Variants in PLS1 observed in about 807,000 individuals in gnomAD.
PLS1 encodes the protein plastin 1.
In PLS1, 32 loss-of-function variants were observed where a neutral mutation model predicts 73.7. The ratio of observed to expected loss-of-function variants is 0.43; its 90% CI spans 0.33 to 0.58. The LOEUF is 0.58. Ranked by LOEUF, PLS1 falls within the 20% of genes least tolerant of loss-of-function variation. The probability of loss-of-function intolerance (pLI) is 0.04; values close to 1 mark genes in which losing one functional copy is unlikely to be tolerated. For missense variants in PLS1, 633 were observed against 740.5 expected (o/e 0.85, Z 1.68); for synonymous variants, 217 against 261.3 (o/e 0.83, Z 1.63).
At chr3:142,681,994 G>A (rs1013480194) in intron 6 of PLS1, among the ~76,000 whole-genome samples, 6 of 152,132 alleles carry the variant, frequency 3.9e-5, no homozygotes, top group African/African-American at 9.7e-5. Flanking sequence ...AACACAACCC[G>A]TTGATAAGAC....
chr3:142,693,318 G>T (rs1477541163), intron 10 of PLS1, among the ~76,000 whole-genome samples: 1 of 152,178 alleles, frequency 6.6e-6, no homozygotes, highest in East Asian at 1.9e-4. Context: ...TATCATGGGT[G>T]TGCAGGTTTA....
chr3:142,626,526 CT>C (rs1477418956), intron 1 of PLS1, among the ~76,000 whole-genome samples: 1 of 152,134 alleles, frequency 6.6e-6, no homozygotes, highest in Non-Finnish European at 1.5e-5. Flanking sequence ...ACTGGAAAGA[CT>C]TTATCATATC....
intron 2 of PLS1, among the ~76,000 whole-genome samples, chr3:142,666,338 A>G (rs2037479210): frequency 6.6e-6 from 1 of 152,110 alleles, no homozygotes; most frequent in Admixed American, 6.5e-5. Context: ...CCATCATCCT[A>G]CTTTCTATAT....
chr3:142,676,726 T>C (rs943176440), intron 5 of PLS1, among the ~76,000 whole-genome samples: 5 of 152,226 alleles, frequency 3.3e-5, no homozygotes, highest in Non-Finnish European at 7.3e-5. Flanking sequence ...CTCTTTGCAT[T>C]CTATTTTTTC....
chr3:142,650,375 T>A (rs1201252444), intron 1 of PLS1, among the ~76,000 whole-genome samples: 1 of 151,986 alleles, frequency 6.6e-6, no homozygotes, highest in African/African-American at 2.4e-5. Context: ...CCTACCCCCA[T>A]GCCCGGCTAA....
chr3:142,675,406 CAG>C (rs2037700029), intron 4 of PLS1, among the ~76,000 whole-genome samples: 1 of 151,864 alleles, frequency 6.6e-6, no homozygotes, highest in Non-Finnish European at 1.5e-5. Context: ...GTTTTTGAGA[CAG>C]AGCCTTGCTC....
rs532159771 is a variant in PLS1 at position 142,606,907 on chromosome 3, T to C, written c.-37+10398T>C. Among the ~76,000 whole-genome samples the C allele has an allele frequency of 5.9e-5, 9 of 152,346 alleles. 1 individual carries two copies. The East Asian group carries it at 1.7e-3, about 29-fold the overall frequency. ...TATGAATATTGTTGCTGTGAACTTA[T>C]GTGCACTGGTTTATTAGGGGCATTT... is the stretch of plus-strand genomic sequence containing the variant. On this transcript the variant is annotated intron_variant, in intron 1 of 15. Transcript: ENST00000457734.
intron 2 of PLS1, among the ~76,000 whole-genome samples, chr3:142,666,594 A>C (rs915399527): frequency 6.6e-6 from 1 of 152,206 alleles, no homozygotes; most frequent in South Asian, 2.1e-4. Flanking sequence ...ATTGTGAATA[A>C]TGCTATGAAC....
intron 12 of PLS1, 45 bp downstream of exon 12, chr3:142,698,112 T>C (rs752552637): frequency 1.7e-5 from 19 of 1,116,752 alleles, no homozygotes; most frequent in Non-Finnish European, 2.5e-5. Flanking sequence ...TGTTCTGATA[T>C]GAAACAAAGA....
At chr3:142,689,894 A>T (rs966820740) in intron 10 of PLS1, 81 bp downstream of exon 10, 4 of 902,754 alleles carry the variant, frequency 4.4e-6, no homozygotes, top group Non-Finnish European at 6.6e-6. Flanking sequence ...GAGATAGGGG[A>T]TTGTGGTGGG....
intron 1 of PLS1, among the ~76,000 whole-genome samples, chr3:142,653,671 A>G (rs2037153648): frequency 6.6e-6 from 1 of 152,044 alleles, no homozygotes; most frequent in Admixed American, 6.6e-5. Context: ...GCCCTAGCTC[A>G]GAAACTTCTA....
intron 5 of PLS1, among the ~76,000 whole-genome samples, chr3:142,677,802 A>T (rs1040458226): frequency 4.6e-5 from 7 of 152,040 alleles, no homozygotes; most frequent in Non-Finnish European, 7.4e-5. Flanking sequence ...TATTATTATT[A>T]TTTTTTGAGA....
chr3:142,600,905 TATA>T (rs1378245678), intron 1 of PLS1, among the ~76,000 whole-genome samples: 15 of 31,460 alleles, frequency 4.8e-4, no homozygotes, highest in African/African-American at 2.1e-3. Context: ...TATATATATA[TATA>T]TATATATATT....
rs550308239 is a variant in PLS1 at position 142,683,436 on chromosome 3, G to A, written c.580-570G>A. On this transcript the variant is annotated intron_variant, in intron 6 of 15. Coordinates refer to ENST00000457734, the MANE Select transcript of PLS1 (RefSeq NM_001145319.2). ...GGAGAATGGCGTGAGCCCAGGAGGC[G>A]GAGCTTGCAGTGAGCCAAGATAGTG... is the stretch of plus-strand genomic sequence containing the variant. 2.6e-4 allele frequency among the ~76,000 whole-genome samples: 40 copies of A among 152,292 alleles called. 1 individual carries two copies. The Middle Eastern group carries it at 0.01, about 39-fold the overall frequency.
chr3:142,641,174 A>ATG (rs957659923), intron 1 of PLS1, among the ~76,000 whole-genome samples: 3 of 142,878 alleles, frequency 2.1e-5, no homozygotes, highest in African/African-American at 8.0e-5. Flanking sequence ...ATATATATAT[A>ATG]TTATATATAT....
At chr3:142,611,233 C>A (rs2108547047) in intron 1 of PLS1, among the ~76,000 whole-genome samples, 1 of 152,242 alleles carries the variant, frequency 6.6e-6, no homozygotes. Flanking sequence ...GGCAGTGGAC[C>A]AGATTTGGCC....
chr3:142,702,137 G>T (rs1009742514), intron 12 of PLS1, among the ~76,000 whole-genome samples: 1 of 152,168 alleles, frequency 6.6e-6, no homozygotes, highest in African/African-American at 2.4e-5. Context: ...GCACAATACA[G>T]CCTTGAACTC....
chr3:142,639,384 C>T (rs2036780026), intron 1 of PLS1, among the ~76,000 whole-genome samples: 1 of 152,166 alleles, frequency 6.6e-6, no homozygotes, highest in South Asian at 2.1e-4. Context: ...CCTGAATCCC[C>T]TTCAAATCCA....
intron 1 of PLS1, among the ~76,000 whole-genome samples, chr3:142,636,971 A>C (rs2036707402): frequency 6.6e-6 from 1 of 152,230 alleles, no homozygotes; most frequent in Admixed American, 6.5e-5. Context: ...ATGGGACTGC[A>C]AAATGGTATA....
Sources: allele counts gnomAD v4.1 joint callset (sites outside exome capture counted in the v4.1 genomes callset), GRCh38; gene constraint gnomAD v4.1.1; transcripts MANE v1.5; gene names NCBI Gene and HGNC (gene_info 2026-07-23, HGNC 2026-07-21).